SUCLG2: variants seen among roughly 807,000 people sequenced by gnomAD.
SUCLG2 encodes succinate--CoA ligase [GDP-forming] subunit beta, mitochondrial.
A neutral mutation model predicts 47.9 loss-of-function variants in SUCLG2; 42 were observed. The observed-to-expected ratio is 0.88, with a 90% CI of 0.69 to 1.14. The LOEUF (loss-of-function observed/expected upper bound fraction) is 1.14, where lower values mean the gene tolerates loss of function less well. SUCLG2 is among the 50% of genes most tolerant of loss of function. The pLI, the probability that SUCLG2 is intolerant of heterozygous loss-of-function variation, is 0.00. For missense variants in SUCLG2, 571 were observed against 525.9 expected (o/e 1.09, Z -0.84); for synonymous variants, 195 against 197.3 (o/e 0.99, Z 0.10).
intron 10 of SUCLG2, among the ~76,000 whole-genome samples, chr3:67,364,647 A>G (rs1701852077): frequency 6.6e-6 from 1 of 152,254 alleles, no homozygotes. Flanking sequence ...ACATGGCAGC[A>G]GTGAGGTATC....
At chr3:67,412,071 G>A (rs575449510) in intron 9 of SUCLG2, among the ~76,000 whole-genome samples, 9 of 152,266 alleles carry the variant, frequency 5.9e-5, no homozygotes, top group African/African-American at 2.2e-4. Flanking sequence ...CTCAGCTGTA[G>A]ACAATATTCT....
At chr3:67,383,048 A>G (rs1302511752) in intron 10 of SUCLG2, among the ~76,000 whole-genome samples, 1 of 152,194 alleles carries the variant, frequency 6.6e-6, no homozygotes, top group Non-Finnish European at 1.5e-5. Flanking sequence ...AGAATAATTC[A>G]TTGAGAATCA....
At chr3:67,450,631 T>G (rs956524181) in intron 9 of SUCLG2, among the ~76,000 whole-genome samples, 11 of 152,254 alleles carry the variant, frequency 7.2e-5, no homozygotes, top group African/African-American at 2.7e-4. Flanking sequence ...GACATCATCT[T>G]TCTATCCATT....
chr3:67,550,408 T>A (rs564329336), intron 2 of SUCLG2, among the ~76,000 whole-genome samples: 1 of 152,316 alleles, frequency 6.6e-6, no homozygotes, highest in South Asian at 2.1e-4. Flanking sequence ...GAAATGATCA[T>A]GGCTCACTGC....
chr3:67,419,374 A>G (rs1333566765), intron 9 of SUCLG2, among the ~76,000 whole-genome samples: 1 of 152,216 alleles, frequency 6.6e-6, no homozygotes, highest in Non-Finnish European at 1.5e-5. Context: ...TTAGGAAGGT[A>G]CATAAGAAAT....
At chr3:67,605,662 A>G (rs6778484) in intron 2 of SUCLG2, among the ~76,000 whole-genome samples, 74,750 of 151,852 alleles carry the variant, frequency 0.49, 19,432 homozygotes, top group African/African-American at 0.66. Context: ...TGAAACCTGC[A>G]TGCACACACA....
chr3:67,447,460 T>G (rs1703953677), intron 9 of SUCLG2, among the ~76,000 whole-genome samples: 1 of 152,174 alleles, frequency 6.6e-6, no homozygotes, highest in Non-Finnish European at 1.5e-5. Flanking sequence ...CAAAAATCAG[T>G]ACAACTCTGA....
chr3:67,361,740 G>A (rs1701806389), intron 10 of SUCLG2, among the ~76,000 whole-genome samples: 2 of 152,204 alleles, frequency 1.3e-5, no homozygotes, highest in Admixed American at 1.3e-4. Flanking sequence ...CTCCTACAAA[G>A]AGGTAGAGTA....
chr3:67,561,643 A>G (rs535682595), intron 2 of SUCLG2, among the ~76,000 whole-genome samples: 1 of 152,220 alleles, frequency 6.6e-6, no homozygotes, highest in South Asian at 2.1e-4. Flanking sequence ...TCAATCAACC[A>G]TTCCCTCTTG....
At chr3:67,418,360 A>G (rs1193583446) in intron 9 of SUCLG2, among the ~76,000 whole-genome samples, 1 of 152,194 alleles carries the variant, frequency 6.6e-6, no homozygotes, top group Non-Finnish European at 1.5e-5. Flanking sequence ...TTTTATTACC[A>G]TTATTTTTAG....
At position 67,573,161 on chromosome 3, in the gene SUCLG2, G is replaced by C. The variant is rs185271224; in HGVS notation, c.226+36294C>G. Among the ~76,000 whole-genome samples the C allele has an allele frequency of 3.3e-5, 5 of 152,032 alleles. No individual in the cohort carries two copies. In the East Asian group the frequency reaches 9.6e-4, roughly 29 times the overall value. On this transcript the variant is annotated intron_variant, in intron 2 of 10. Coordinates refer to ENST00000307227, the MANE Select transcript of SUCLG2 (RefSeq NM_003848.4). ...AACCACAAAATATTGCTGAAATAAAGATCTAAATAAATGGAGAGCTATTCC... is the reference window on the plus strand; with the variant it reads ...AACCACAAAATATTGCTGAAATAAACATCTAAATAAATGGAGAGCTATTCC...
chr3:67,605,254 A>C (rs1166829116), intron 2 of SUCLG2, among the ~76,000 whole-genome samples: 1 of 152,206 alleles, frequency 6.6e-6, no homozygotes, highest in East Asian at 1.9e-4. Flanking sequence ...TAAAACTTCA[A>C]TCGTGCTCTT....
At chr3:67,442,436 C>A (rs1385588765) in intron 9 of SUCLG2, among the ~76,000 whole-genome samples, 3 of 152,176 alleles carry the variant, frequency 2.0e-5, no homozygotes, top group Non-Finnish European at 2.9e-5. Context: ...GTCCCCACCC[C>A]GGGCTACTAA....
At chr3:67,510,417 T>C (rs962156940) in intron 6 of SUCLG2, among the ~76,000 whole-genome samples, 1 of 152,210 alleles carries the variant, frequency 6.6e-6, no homozygotes, top group African/African-American at 2.4e-5. Context: ...ATAATACATG[T>C]ATATGATACA....
intron 10 of SUCLG2, among the ~76,000 whole-genome samples, chr3:67,387,683 T>C (rs565198588): frequency 3.3e-5 from 5 of 152,322 alleles, no homozygotes; most frequent in Admixed American, 2.0e-4. Flanking sequence ...TGCTGAAATA[T>C]GCAAAATACC....
intron 2 of SUCLG2, among the ~76,000 whole-genome samples, chr3:67,580,582 A>C (rs1029672172): frequency 4.6e-5 from 7 of 152,206 alleles, no homozygotes; most frequent in African/African-American, 1.7e-4. Flanking sequence ...AAGCTGGCCA[A>C]AGCTGAGTCC....
chr3:67,499,205 T>C (rs947118399), intron 7 of SUCLG2, among the ~76,000 whole-genome samples: 23 of 152,208 alleles, frequency 1.5e-4, no homozygotes, highest in African/African-American at 4.6e-4. Context: ...TAGTTTTTGG[T>C]TTTTCTTTTT....
At chr3:67,592,250 C>A (rs1294223538) in intron 2 of SUCLG2, among the ~76,000 whole-genome samples, 1 of 152,156 alleles carries the variant, frequency 6.6e-6, no homozygotes, top group East Asian at 1.9e-4. Flanking sequence ...GAAGAACTGC[C>A]AGGAACTTGA....
At chr3:67,621,943 C>T (rs1316810131) in intron 1 of SUCLG2, among the ~76,000 whole-genome samples, 1 of 152,186 alleles carries the variant, frequency 6.6e-6, no homozygotes, top group East Asian at 1.9e-4. Flanking sequence ...TCCACCACAT[C>T]AGAGCTGCTG....
Sources: allele counts gnomAD v4.1 joint callset (sites outside exome capture counted in the v4.1 genomes callset), GRCh38; gene constraint gnomAD v4.1.1; transcripts MANE v1.5; gene names NCBI Gene and HGNC (gene_info 2026-07-23, HGNC 2026-07-21).